Variants in SLC5A4 observed in about 807,000 individuals in gnomAD.
SLC5A4 encodes probable glucose sensor protein SLC5A4.
A neutral mutation model predicts 70.3 loss-of-function variants in SLC5A4; 55 were observed. The observed-to-expected ratio is 0.78, with a 90% confidence interval of 0.63 to 0.98. The LOEUF is 0.98. SLC5A4 is among the 50% of genes least tolerant of loss of function. SLC5A4 has a pLI of 0.00. For missense variants in SLC5A4, 735 were observed against 839.2 expected (o/e 0.88, Z 1.53); for synonymous variants, 268 against 305.7 (o/e 0.88, Z 1.29).
chr22:32,305,813 G>A, the SLC5A4 span, among the ~76,000 whole-genome samples: 8 of 151,674 alleles, frequency 5.3e-5, no homozygotes, highest in South Asian at 1.1e-3. Flanking sequence ...AAGGCATGCC[G>A]TCTGCAGTGA....
At chr22:32,320,077 A>G in the SLC5A4 span, among the ~76,000 whole-genome samples, 8 of 152,356 alleles carry the variant, frequency 5.3e-5, no homozygotes, top group African/African-American at 1.2e-4. Context: ...GCCAAGAAGA[A>G]AGAGAGAAAC....
At chr22:32,293,407 T>C in the SLC5A4 span, among the ~76,000 whole-genome samples, 216 of 152,236 alleles carry the variant, frequency 1.4e-3, no homozygotes, top group African/African-American at 5.0e-3. Context: ...ATTTTGTCAT[T>C]CCATGTTTTC....
At chr22:32,352,885 C>T in the SLC5A4 span, among the ~76,000 whole-genome samples, 5 of 152,366 alleles carry the variant, frequency 3.3e-5, no homozygotes, top group South Asian at 2.1e-4. Context: ...ACCACTCCAG[C>T]GCTGAGTCTT....
chr22:32,342,264 G>C, the SLC5A4 span, among the ~76,000 whole-genome samples: 1 of 152,174 alleles, frequency 6.6e-6, no homozygotes, highest in African/African-American at 2.4e-5. Context: ...AAAAAAATTT[G>C]ACCCAGGAAA....
At chr22:32,237,483 C>T (rs140532174) in intron 6 of SLC5A4, among the ~76,000 whole-genome samples, 159 bp from the exon 7 acceptor site, 258 of 152,326 alleles carry the variant, frequency 1.7e-3, no homozygotes, top group Middle Eastern at 0.01. Context: ...GCATCATGAT[C>T]TCCTCAGCAC....
the SLC5A4 span, among the ~76,000 whole-genome samples, chr22:32,352,799 C>T: frequency 4.6e-5 from 7 of 152,260 alleles, no homozygotes; most frequent in Admixed American, 1.3e-4. Context: ...CTGACCACTG[C>T]ACTGCCTGTG....
At chr22:32,255,679 A>G (rs1215256412), upstream of SLC5A4, among the ~76,000 whole-genome samples, 1 of 152,200 alleles carries the variant, frequency 6.6e-6, no homozygotes, top group Non-Finnish European at 1.5e-5. Flanking sequence ...ACAGACTAGA[A>G]GGTACCAGAA....
the SLC5A4 span, among the ~76,000 whole-genome samples, chr22:32,342,735 A>G: frequency 6.6e-6 from 1 of 152,228 alleles, no homozygotes; most frequent in African/African-American, 2.4e-5. Flanking sequence ...ATTCTGATTC[A>G]AATCTGGATT....
the SLC5A4 span, among the ~76,000 whole-genome samples, chr22:32,320,534 G>A: frequency 6.6e-6 from 1 of 152,156 alleles, no homozygotes; most frequent in Non-Finnish European, 1.5e-5. Flanking sequence ...AGGCAGGCTT[G>A]GGCAGCTGTC....
chr22:32,261,837 G>T, the SLC5A4 span, among the ~76,000 whole-genome samples: 6 of 152,086 alleles, frequency 3.9e-5, no homozygotes, highest in Admixed American at 3.9e-4. Flanking sequence ...ACCCTCCCCA[G>T]CCTCTCATAA....
chr22:32,240,451 G>A (rs2011900), intron 5 of SLC5A4, among the ~76,000 whole-genome samples: 71,395 of 137,056 alleles, frequency 0.52, 17,628 homozygotes, highest in East Asian at 0.94. Context: ...ATATATATAT[G>A]TGTGTGTGTG....
At chr22:32,297,348 T>C in the SLC5A4 span, among the ~76,000 whole-genome samples, 3 of 151,486 alleles carry the variant, frequency 2.0e-5, no homozygotes, top group Admixed American at 2.0e-4. Flanking sequence ...ATTGGTCTAT[T>C]CAGAGATTCA....
chr22:32,351,766 G>GGGGGGGGGGGGGGGGGGGGGGGGGGGGGT, the SLC5A4 span, among the ~76,000 whole-genome samples: 1 of 77,772 alleles, frequency 1.3e-5, no homozygotes, highest in Non-Finnish European at 2.6e-5. Context: ...GGGTGGGCGG[G>GGGGGGGGGGGGGGGGGGGGGGGGGGGGGT]TGGAATACAA....
At chr22:32,266,518 T>C in the SLC5A4 span, among the ~76,000 whole-genome samples, 1 of 152,230 alleles carries the variant, frequency 6.6e-6, no homozygotes, top group Admixed American at 6.5e-5. Flanking sequence ...CAGAGAGTAA[T>C]ATTAATGAAA....
the SLC5A4 span, among the ~76,000 whole-genome samples, chr22:32,263,241 C>G: frequency 2.6e-5 from 4 of 152,114 alleles, no homozygotes; most frequent in African/African-American, 9.7e-5. Flanking sequence ...ACACTGGGTT[C>G]AAGTGATTCA....
At chr22:32,309,446 T>TA in the SLC5A4 span, among the ~76,000 whole-genome samples, 4 of 152,104 alleles carry the variant, frequency 2.6e-5, no homozygotes, top group African/African-American at 9.7e-5. Flanking sequence ...GTAGGCAGCT[T>TA]AAAAAATCAG....
chr22:32,277,541 A>T, the SLC5A4 span, among the ~76,000 whole-genome samples: 7 of 152,016 alleles, frequency 4.6e-5, no homozygotes, highest in Non-Finnish European at 7.4e-5. Context: ...TTCCGGTTTT[A>T]TGTATTTACT....
chr22:32,267,699 T>C, the SLC5A4 span, among the ~76,000 whole-genome samples: 3 of 152,194 alleles, frequency 2.0e-5, no homozygotes, highest in African/African-American at 7.2e-5. Context: ...CATTACATTT[T>C]CCAAATCCAT....
the SLC5A4 span, among the ~76,000 whole-genome samples, chr22:32,300,435 G>A: frequency 3.9e-5 from 6 of 152,172 alleles, no homozygotes; most frequent in South Asian, 2.1e-4. Context: ...GGTGCCGTCC[G>A]TCACCCCTTT....
Sources: allele counts gnomAD v4.1 joint callset (sites outside exome capture counted in the v4.1 genomes callset), GRCh38; gene constraint gnomAD v4.1.1; transcripts MANE v1.5; gene names NCBI Gene and HGNC (gene_info 2026-07-23, HGNC 2026-07-21).